The following TANC2 variants were observed in gnomAD, a reference collection of about 807,000 sequenced individuals.
The protein encoded by TANC2 is protein TANC2.
Under a neutral mutation model 210.5 loss-of-function variants are expected in TANC2, and 26 were observed. That is an observed-to-expected ratio of 0.12 (90% confidence interval 0.09 to 0.17). TANC2 has a LOEUF of 0.17. Ranked by LOEUF, TANC2 falls within the 10% of genes least tolerant of loss-of-function variation. TANC2 has a pLI of 1.00. For synonymous variants in TANC2, 931 were observed against 967.1 expected (o/e 0.96, Z 0.69); for missense variants, 2,129 against 2,608.9 (o/e 0.82, Z 4.01).
At chr17:63,329,189 T>G (rs2045754348) in intron 11 of TANC2, among the ~76,000 whole-genome samples, 1 of 151,778 alleles carries the variant, frequency 6.6e-6, no homozygotes, top group Admixed American at 6.6e-5. Flanking sequence ...GATTTATTAT[T>G]TTTTTAATGA....
intron 6 of TANC2, among the ~76,000 whole-genome samples, chr17:63,196,695 A>G (rs1458162878): frequency 6.6e-6 from 1 of 152,198 alleles, no homozygotes; most frequent in Non-Finnish European, 1.5e-5. Context: ...GCCACCTACC[A>G]TTTTGTAAAT....
At position 63,420,314 on chromosome 17, in the gene TANC2, C is replaced by T; in HGVS notation, c.4584C>T (p.Pro1528=). ...GGCTCCCGGTCATCCAGAGCCCACC[C>T]TCCTCTCCCCCGCATCGGGACTCAG... The change falls in exon 28 of 28, where the codon CCC becomes CCT. Residue 1528 remains proline, a synonymous_variant. Transcript: ENST00000689528. This position sits in a 1 kb window ranked among gnomAD's most constrained non-coding sequence, Gnocchi z 4.2. 1 of 1,613,940 alleles carries T rather than the reference C, an allele frequency of 6.2e-7. No individual in the cohort carries two copies. The highest frequency in any genetic ancestry group is 8.5e-7 in the Non-Finnish European group (1 of 1,179,866).
intron 5 of TANC2, among the ~76,000 whole-genome samples, chr17:63,184,197 C>G (rs1463660268): frequency 1.3e-5 from 2 of 152,036 alleles, no homozygotes; most frequent in Non-Finnish European, 2.9e-5. Context: ...AATGAAAGAT[C>G]TAAATGTTTA....
intron 12 of TANC2, among the ~76,000 whole-genome samples, chr17:63,345,788 A>T (rs1023932668): frequency 1.3e-5 from 2 of 152,232 alleles, no homozygotes; most frequent in Non-Finnish European, 2.9e-5. Flanking sequence ...TATAATAGTC[A>T]TGACAGTGAT....
intron 5 of TANC2, among the ~76,000 whole-genome samples, chr17:63,178,282 G>A (rs1288806982): frequency 3.3e-5 from 5 of 152,002 alleles, no homozygotes; most frequent in South Asian, 2.1e-4. Flanking sequence ...GCAGTGAGCC[G>A]AGATCGCGCC....
At chr17:63,072,910 G>T (rs1260420614) in intron 2 of TANC2, among the ~76,000 whole-genome samples, 1 of 152,016 alleles carries the variant, frequency 6.6e-6, no homozygotes, top group African/African-American at 2.4e-5. Context: ...AGGCCATTCT[G>T]TTTAAAAAGC....
At chr17:63,266,448 C>T (rs1455458432) in intron 8 of TANC2, among the ~76,000 whole-genome samples, 1 of 152,092 alleles carries the variant, frequency 6.6e-6, no homozygotes, top group African/African-American at 2.4e-5. Flanking sequence ...TCATCATAAA[C>T]AACTTATATA....
intron 9 of TANC2, among the ~76,000 whole-genome samples, chr17:63,271,869 G>A (rs370890873): frequency 1.3e-5 from 2 of 151,924 alleles, no homozygotes; most frequent in Admixed American, 6.6e-5. Context: ...CAGAGACATC[G>A]TTTGCAAAAT....
At chr17:63,013,628 GGCACAT>G in intron 2 of TANC2, among the ~76,000 whole-genome samples, 1 of 152,100 alleles carries the variant, frequency 6.6e-6, no homozygotes, top group South Asian at 2.1e-4. Context: ...CAGACGTGTT[GGCACAT>G]GCCTGTAATC....
intron 14 of TANC2, among the ~76,000 whole-genome samples, chr17:63,372,602 T>C (rs1399635072): frequency 6.6e-6 from 1 of 152,210 alleles, no homozygotes; most frequent in East Asian, 1.9e-4. Flanking sequence ...CTTACCACAG[T>C]CCTGAGAGGT....
Position 63,012,851 on chromosome 17 carries a change from G to A in TANC2, c.67+3225G>A, listed in dbSNP as rs553677141. On this transcript the variant is annotated intron_variant, in intron 2 of 27. Coordinates refer to ENST00000689528, the Ensembl canonical transcript of TANC2. ...AATGTTTTTGTAGAGATGAGATCTC[G>A]TTATGTTTCCCAAGGCTGGTCTTGA... Among the ~76,000 whole-genome samples the A allele has an allele frequency of 2.0e-4, 30 of 151,934 alleles. No homozygotes were observed. In the South Asian group the frequency reaches 4.0e-3, roughly 20 times the overall value.
intron 6 of TANC2, among the ~76,000 whole-genome samples, chr17:63,199,502 C>CCAGCTACT (rs2041458077): frequency 1.3e-5 from 2 of 151,800 alleles, no homozygotes; most frequent in African/African-American, 4.8e-5. Context: ...GGCTGTAATC[C>CCAGCTACT]CAGCTACTCG....
intron 4 of TANC2, among the ~76,000 whole-genome samples, chr17:63,138,830 A>G (rs1416292571): frequency 6.6e-6 from 1 of 152,234 alleles, no homozygotes; most frequent in Non-Finnish European, 1.5e-5. Context: ...CAGTAACTAC[A>G]GCTTTTCTGT....
intron 9 of TANC2, among the ~76,000 whole-genome samples, chr17:63,312,502 G>A (rs994036586): frequency 3.9e-5 from 6 of 152,138 alleles, no homozygotes; most frequent in Admixed American, 2.6e-4. Flanking sequence ...TCACTTATAA[G>A]TGGGAGCTAA....
chr17:63,293,230 G>C (rs1214768720), intron 9 of TANC2, among the ~76,000 whole-genome samples: 4 of 152,238 alleles, frequency 2.6e-5, no homozygotes, highest in Non-Finnish European at 4.4e-5. Context: ...AGAAAAATGA[G>C]CTCCTACTAT....
intron 9 of TANC2, among the ~76,000 whole-genome samples, chr17:63,304,110 C>A (rs551932881): frequency 6.6e-6 from 1 of 152,202 alleles, no homozygotes; most frequent in South Asian, 2.1e-4. Flanking sequence ...CATCCTTCAT[C>A]CAGTTCTGCG....
intron 5 of TANC2, among the ~76,000 whole-genome samples, chr17:63,164,303 A>C (rs1224810397): frequency 6.6e-6 from 1 of 152,042 alleles, no homozygotes; most frequent in Non-Finnish European, 1.5e-5. Flanking sequence ...CCTAGCCAGC[A>C]TCAAAATCTT....
At chr17:63,174,587 G>A (rs1181199638) in intron 5 of TANC2, among the ~76,000 whole-genome samples, 1 of 152,140 alleles carries the variant, frequency 6.6e-6, no homozygotes. Context: ...TGTAAATAAA[G>A]CCCCTGGTAA....
At chr17:63,030,823 C>T (rs909420526) in intron 2 of TANC2, among the ~76,000 whole-genome samples, 1 of 151,650 alleles carries the variant, frequency 6.6e-6, no homozygotes, top group Non-Finnish European at 1.5e-5. Context: ...TTTTTCTAAC[C>T]TAGTTTTGTT....
Sources: gnomAD v4.1 joint callset for allele counts (sites outside exome capture counted in the v4.1 genomes callset) on GRCh38, gnomAD v4.1.1 for gene constraint, Gnocchi (gnomAD v3.1) non-coding constraint, MANE v1.5 for transcripts, NCBI Gene and HGNC (gene_info 2026-07-23, HGNC 2026-07-21) for gene names.